PCDH7: variants seen among roughly 807,000 people sequenced by gnomAD.
The protein encoded by PCDH7 is protocadherin-7.
A neutral mutation model predicts 58.9 loss-of-function variants in PCDH7; 17 were observed. That is an observed-to-expected ratio of 0.29 (90% CI 0.20 to 0.43). PCDH7 has a LOEUF of 0.43. Ranked by LOEUF, PCDH7 falls within the 20% of genes least tolerant of loss-of-function variation. The pLI, the probability that PCDH7 is intolerant of heterozygous loss-of-function variation, is 1.00. For missense variants in PCDH7, 1,274 were observed against 1,441.0 expected, an observed-to-expected ratio of 0.88 and a Z score of 1.88; for synonymous variants, 664 against 616.4, an observed-to-expected ratio of 1.08 and a Z score of -1.14.
intron 3 of PCDH7, among the ~76,000 whole-genome samples, chr4:31,057,543 TGGGAATCCAA>T (rs1040360067): frequency 2.6e-5 from 4 of 152,202 alleles, no homozygotes; most frequent in African/African-American, 9.6e-5. Flanking sequence ...CAGTTAGCTA[TGGGAATCCAA>T]TTCTGTCAGT....
intron 2 of PCDH7, among the ~76,000 whole-genome samples, chr4:30,946,963 C>T (rs1038817920): frequency 1.3e-5 from 2 of 152,076 alleles, no homozygotes; most frequent in African/African-American, 4.8e-5. Context: ...CTGCCCACCT[C>T]GGCCTCCCAA....
chr4:30,851,791 A>G (rs1369349188), intron 1 of PCDH7, among the ~76,000 whole-genome samples: 2 of 152,082 alleles, frequency 1.3e-5, no homozygotes, highest in Non-Finnish European at 2.9e-5. Flanking sequence ...TTGAAAATAT[A>G]TTGTCAAGAT....
chr4:31,063,442 C>CT (rs1757846975), intron 3 of PCDH7, among the ~76,000 whole-genome samples: 2 of 151,698 alleles, frequency 1.3e-5, no homozygotes, highest in South Asian at 2.1e-4. Flanking sequence ...ATCATACATG[C>CT]TTTTTTAATC....
intron 3 of PCDH7, among the ~76,000 whole-genome samples, chr4:31,101,438 T>C (rs940728557): frequency 3.9e-5 from 6 of 152,158 alleles, no homozygotes; most frequent in Admixed American, 1.3e-4. Context: ...AGTGAGACAA[T>C]TTGGAGGACG....
intron 3 of PCDH7, among the ~76,000 whole-genome samples, chr4:31,104,446 C>A (rs1715296272): frequency 6.6e-6 from 1 of 152,184 alleles, no homozygotes; most frequent in Admixed American, 6.5e-5. Context: ...TCAGTTTGTT[C>A]TTTTAGGTAA....
At chr4:30,786,513 A>C (rs1230803619) in intron 1 of PCDH7, among the ~76,000 whole-genome samples, 1 of 152,050 alleles carries the variant, frequency 6.6e-6, no homozygotes, top group Non-Finnish European at 1.5e-5. Flanking sequence ...GAGATTAGCC[A>C]GCTGTATTGA....
chr4:31,143,014 C>G (rs1720441851), downstream of PCDH7: 6 of 389,420 alleles, frequency 1.5e-5, no homozygotes, highest in South Asian at 1.0e-4. Context: ...ATACTGTTAG[C>G]CTGATTCTAC....
chr4:30,726,384 T>C (rs770845333), intron 1 of PCDH7, among the ~76,000 whole-genome samples: 18 of 152,070 alleles, frequency 1.2e-4, no homozygotes, highest in African/African-American at 2.9e-4. Flanking sequence ...TGTAATCTTA[T>C]GCTTTTGAAT....
At chr4:30,724,755 C>T in intron 1 of PCDH7, 159 bp downstream of exon 1, 1 of 1,445,206 alleles carries the variant, frequency 6.9e-7, no homozygotes, top group Non-Finnish European at 9.1e-7. Flanking sequence ...TTAGCAAAGG[C>T]CATCTACAAG....
intron 3 of PCDH7, among the ~76,000 whole-genome samples, chr4:31,079,873 G>T (rs1370904416): frequency 6.6e-6 from 1 of 151,942 alleles, no homozygotes; most frequent in Non-Finnish European, 1.5e-5. Context: ...AGAAATAGAG[G>T]ATCATATGGA....
At chr4:30,968,821 C>T (rs1488931244) in intron 3 of PCDH7, among the ~76,000 whole-genome samples, 4 of 152,078 alleles carry the variant, frequency 2.6e-5, no homozygotes, top group Admixed American at 6.6e-5. Context: ...TCTATAGTGG[C>T]ATAGGATAAC....
At chr4:30,968,319 C>CACACTATATA (rs369540529) in intron 3 of PCDH7, among the ~76,000 whole-genome samples, 9 of 82,580 alleles carry the variant, frequency 1.1e-4, no homozygotes, top group African/African-American at 4.8e-4. Context: ...TATATATACA[C>CACACTATATA]TATATATATA....
At chr4:30,947,920 C>CT (rs1327384740) in intron 2 of PCDH7, among the ~76,000 whole-genome samples, 1 of 152,072 alleles carries the variant, frequency 6.6e-6, no homozygotes. Context: ...ATGATTTCAA[C>CT]TTTTTTTAGC....
intron 3 of PCDH7, among the ~76,000 whole-genome samples, chr4:30,985,879 C>T (rs1750922646): frequency 6.6e-6 from 1 of 152,134 alleles, no homozygotes; most frequent in Admixed American, 6.5e-5. Context: ...ATTGTCTTTT[C>T]ATCAAATTTT....
intron 1 of PCDH7, among the ~76,000 whole-genome samples, chr4:30,759,720 TTTCATTAAATGAAAGA>T (rs1719780587): frequency 6.6e-6 from 1 of 152,274 alleles, no homozygotes; most frequent in East Asian, 1.9e-4. Context: ...TAACAAAATC[TTTCATTAAATGAAAGA>T]TTCATATAAA....
chr4:30,968,306 A>C (rs552081711), intron 3 of PCDH7, among the ~76,000 whole-genome samples: 485 of 46,184 alleles, frequency 0.011, 14 homozygotes, highest in Non-Finnish European at 0.013. Flanking sequence ...CTCTCTCTAT[A>C]TATATATATA....
intron 1 of PCDH7, among the ~76,000 whole-genome samples, chr4:30,766,478 T>C (rs1286876237): frequency 1.3e-5 from 2 of 152,172 alleles, no homozygotes; most frequent in East Asian, 3.9e-4. Context: ...ACTTGTGGTG[T>C]GCTAAATGAC....
At chr4:30,917,717 G>A (rs1331788418) in intron 1 of PCDH7, among the ~76,000 whole-genome samples, 1 of 151,954 alleles carries the variant, frequency 6.6e-6, no homozygotes, top group African/African-American at 2.4e-5. Flanking sequence ...AAAACAAAAT[G>A]CATAGATTCA....
intron 1 of PCDH7, among the ~76,000 whole-genome samples, chr4:30,916,725 A>G (rs60551461): frequency 0.23 from 35,003 of 152,120 alleles, 4,130 homozygotes; most frequent in Middle Eastern, 0.27. Context: ...ACTATTTTAT[A>G]CCCTTAAAGA....
Sources: allele counts gnomAD v4.1 joint callset (sites outside exome capture counted in the v4.1 genomes callset), GRCh38; gene constraint gnomAD v4.1.1; transcripts MANE v1.5; gene names NCBI Gene and HGNC (gene_info 2026-07-23, HGNC 2026-07-21).